Variants in CINP observed in about 807,000 individuals in gnomAD.
CINP encodes the protein cyclin dependent kinase 2 interacting protein.
In CINP, 11 loss-of-function variants were observed where a neutral mutation model predicts 20.5. The observed-to-expected ratio is 0.54, with a 90% CI of 0.34 to 0.89. The LOEUF is 0.89. CINP is among the 40% of genes least tolerant of loss of function. The pLI is 0.02. For missense variants in CINP, 213 were observed against 251.0 expected, an observed-to-expected ratio of 0.85 and a Z score of 1.02; for synonymous variants, 108 against 102.1, an observed-to-expected ratio of 1.06 and a Z score of -0.35.
chr14:102,348,713 G>T lies in CINP; in HGVS notation c.483C>A (p.Leu161=). 1 of 1,613,932 alleles carries T rather than the reference G, an allele frequency of 6.2e-7. No individual in the cohort carries two copies. The highest frequency in any genetic ancestry group is 8.5e-7 in the Non-Finnish European group (1 of 1,179,938). The change falls in exon 5 of 5, where the codon CTC becomes CTA. Residue 161 remains leucine, a synonymous_variant. Transcript: ENST00000216756. ...KLLEMYRKEL[L]LKRTVAKELA... ...GCTCCTTGGCCACCGTGCGCTTCAG[G>T]AGCAGCTCCTTCCTGTACATCTCCA...
intron 3 of CINP, among the ~76,000 whole-genome samples, chr14:102,355,259 G>A (rs1178962138): frequency 6.6e-6 from 1 of 152,132 alleles, no homozygotes; most frequent in Non-Finnish European, 1.5e-5. Flanking sequence ...GCTCATGCCT[G>A]TAATCCCAGC....
chr14:102,358,218 A>G (rs1164729261), intron 2 of CINP, among the ~76,000 whole-genome samples: 2 of 152,262 alleles, frequency 1.3e-5, no homozygotes, highest in Non-Finnish European at 2.9e-5. Context: ...CCTGGGAAAG[A>G]CACTGTGCAC....
At position 102,348,540 on chromosome 14, in the gene CINP, G is replaced by T. The variant is rs79109177; in HGVS notation, c.*17C>A. On this transcript the variant is annotated 3_prime_UTR_variant, in exon 5 of 5. Transcript: ENST00000216756. ...TGAGACGTGGAAGGAGCCAGTGTCC[G>T]CAGCCGTCTCAGGACGTCAGAGAGC... 1.3e-6 allele frequency: 2 copies of T among 1,599,762 alleles called. No homozygotes were observed.
rs1215646295 is a variant in CINP at position 102,359,919 on chromosome 14, C to T, written c.8-332G>A. ...TCTGCTAAAACTCTTCAATGGCTCACGTTCCCTTCCCTACAGGATAATCTA... is the reference window on the plus strand; with the variant it reads ...TCTGCTAAAACTCTTCAATGGCTCATGTTCCCTTCCCTACAGGATAATCTA... On this transcript the variant is annotated intron_variant, in intron 1 of 4. Transcript: ENST00000216756. 3.9e-5 allele frequency among the ~76,000 whole-genome samples: 6 copies of T among 152,166 alleles called. No homozygotes were observed. In the South Asian group the frequency reaches 8.3e-4, roughly 21 times the overall value.
chr14:102,355,938 T>C, intron 2 of CINP, 41 bp from the exon 3 acceptor site: 1 of 1,596,932 alleles, frequency 6.3e-7, no homozygotes. Flanking sequence ...ATATACTCTT[T>C]AAGCTTGCCT....
At position 102,348,722 on chromosome 14, in the gene CINP, C is replaced by G; in HGVS notation, c.474G>C (p.Lys158Asn). ...CCACCGTGCGCTTCAGGAGCAGCTC[C>G]TTCCTGTACATCTCCAAGAGCTTAT... ...VSHKLLEMYRKELLLKRTVAK... is the reference protein window; with the variant it reads ...VSHKLLEMYRNELLLKRTVAK... The change falls in exon 5 of 5, where the codon AAG (lysine) becomes AAC (asparagine). Residue 158 changes from lysine to asparagine, a missense_variant. Physicochemically the swap from Lys to Asn is moderately conservative, Grantham distance 94 (BLOSUM62 0). Coordinates refer to ENST00000216756, the MANE Select transcript of CINP (RefSeq NM_032630.3). The G allele has an allele frequency of 1.2e-6, 2 of 1,613,912 alleles. No individual in the cohort carries two copies. The highest frequency in any genetic ancestry group is 1.7e-6 in the Non-Finnish European group (2 of 1,179,928).
intron 4 of CINP, among the ~76,000 whole-genome samples, chr14:102,349,298 T>C (rs1363238324): frequency 6.6e-6 from 1 of 152,160 alleles, no homozygotes; most frequent in Non-Finnish European, 1.5e-5. Context: ...TTAGGTGACC[T>C]ACAGTGATTA....
chr14:102,355,513 T>G, intron 3 of CINP: 1 of 353,218 alleles, frequency 2.8e-6, no homozygotes, highest in Non-Finnish European at 5.2e-6. Context: ...AGACTCCATA[T>G]CATGGAAAAA....
chr14:102,350,343 C>T (rs988772996), intron 3 of CINP, among the ~76,000 whole-genome samples: 1 of 151,892 alleles, frequency 6.6e-6, no homozygotes, highest in Non-Finnish European at 1.5e-5. Context: ...ATGTCTTAGA[C>T]CCAAAGACCT....
intron 1 of CINP, among the ~76,000 whole-genome samples, chr14:102,361,038 T>C (rs1887130647): frequency 6.6e-6 from 1 of 152,126 alleles, no homozygotes; most frequent in East Asian, 1.9e-4. Context: ...GGGAGGCAGA[T>C]AATAAACAAA....
chr14:102,352,474 G>T (rs1416075348), intron 3 of CINP: 1 of 455,278 alleles, frequency 2.2e-6, no homozygotes, highest in Non-Finnish European at 4.4e-6. Flanking sequence ...TGAAATGTTA[G>T]CCCAGCTTAG....
At chr14:102,361,667 A>G (rs932606756) in intron 1 of CINP, among the ~76,000 whole-genome samples, 1 of 152,194 alleles carries the variant, frequency 6.6e-6, no homozygotes, top group Non-Finnish European at 1.5e-5. Context: ...AAAACAAAAC[A>G]AAACAAAATA....
In CINP at chr14:102,362,712, G is replaced by A. The variant is rs1047028188; in HGVS notation, c.7+133C>T. On this transcript the variant is annotated intron_variant, in intron 1 of 4. Transcript: ENST00000216756. ...AGGCTGCGAGGGGCCTGCGGGCTAG[G>A]CTGGGGTAAGACAGAGGACCTCCAT... is the stretch of plus-strand genomic sequence containing the variant. 7.0e-5 allele frequency: 87 copies of A among 1,236,400 alleles called. No homozygotes were observed. The Admixed American group carries it at 1.6e-3, about 22-fold the overall frequency. The allele number at this position is 1,236,400 out of a possible 1,614,324, so 76.6% of individuals were successfully genotyped here.
intron 2 of CINP, among the ~76,000 whole-genome samples, chr14:102,358,628 C>A (rs906383436): frequency 3.3e-5 from 5 of 151,984 alleles, no homozygotes; most frequent in African/African-American, 1.2e-4. Flanking sequence ...TTAGAGTGAG[C>A]CAAGATCACG....
At chr14:102,348,828 CA>C in intron 4 of CINP, 69 bp from the exon 5 acceptor site, 1 of 1,408,900 alleles carries the variant, frequency 7.1e-7, no homozygotes, top group Non-Finnish European at 9.8e-7. Context: ...GGAAGAACTA[CA>C]TTTTAACAGC....
intron 3 of CINP, among the ~76,000 whole-genome samples, 180 bp from the exon 4 acceptor site, chr14:102,350,228 T>C (rs972412431): frequency 2.0e-5 from 3 of 152,216 alleles, no homozygotes; most frequent in Admixed American, 2.0e-4. Flanking sequence ...ACAGTTGCTA[T>C]GATTTCATTA....
chr14:102,357,903 CA>C (rs1887034773), intron 2 of CINP, among the ~76,000 whole-genome samples: 1 of 152,226 alleles, frequency 6.6e-6, no homozygotes, highest in African/African-American at 2.4e-5. Flanking sequence ...AAGACATTCA[CA>C]ACTACAGAGA....
intron 3 of CINP, chr14:102,352,598 T>TA (rs1886893389): frequency 2.2e-6 from 1 of 450,480 alleles, no homozygotes; most frequent in African/African-American, 2.0e-5. Context: ...TAATACCCTA[T>TA]AAAATCAACT....
intron 3 of CINP, among the ~76,000 whole-genome samples, chr14:102,353,748 A>C (rs1382392137): frequency 6.6e-6 from 1 of 152,096 alleles, no homozygotes; most frequent in Non-Finnish European, 1.5e-5. Context: ...TGAGGAAACA[A>C]GGGGACTCGA....
Sources: allele counts gnomAD v4.1 joint callset (sites outside exome capture counted in the v4.1 genomes callset), GRCh38; gene constraint gnomAD v4.1.1; transcripts MANE v1.5; gene names NCBI Gene and HGNC (gene_info 2026-07-23, HGNC 2026-07-21).